RFTN2: variants seen among roughly 807,000 people sequenced by gnomAD.
RFTN2 encodes raftlin-2.
RFTN2 carries 34 observed loss-of-function variants against 52.7 expected under a neutral mutation model. That is an observed-to-expected ratio of 0.64 (90% CI 0.49 to 0.86). The LOEUF (loss-of-function observed/expected upper bound fraction) is 0.86. Ranked by LOEUF, RFTN2 falls within the 40% of genes least tolerant of loss-of-function variation. The pLI, the probability that RFTN2 is intolerant of heterozygous loss-of-function variation, is 0.00. For synonymous variants in RFTN2, 203 were observed against 217.7 expected, an observed-to-expected ratio of 0.93 and a Z score of 0.59; for missense variants, 536 against 600.1, an observed-to-expected ratio of 0.89 and a Z score of 1.12.
chr2:197,639,455 C>A (rs2088623871), intron 3 of RFTN2, among the ~76,000 whole-genome samples: 1 of 149,428 alleles, frequency 6.7e-6, no homozygotes, highest in Non-Finnish European at 1.5e-5. Flanking sequence ...ATTCTTTTTT[C>A]TCTAAACTTC....
At chr2:197,656,782 G>A (rs7572172) in intron 1 of RFTN2, among the ~76,000 whole-genome samples, 213 of 152,252 alleles carry the variant, frequency 1.4e-3, no homozygotes, top group African/African-American at 4.2e-3. Context: ...CTGAGACTTA[G>A]ATCAAGAGTC....
chr2:197,617,967 G>C (rs2088174407), intron 5 of RFTN2, 46 bp from the exon 6 acceptor site: 1 of 1,452,128 alleles, frequency 6.9e-7, no homozygotes, highest in Non-Finnish European at 9.2e-7. Flanking sequence ...AATACTAAGT[G>C]GCTCATAAAA....
chr2:197,612,277 C>T (rs2088073752), intron 7 of RFTN2, among the ~76,000 whole-genome samples: 3 of 152,086 alleles, frequency 2.0e-5, no homozygotes, highest in South Asian at 2.1e-4. Flanking sequence ...CTCTCTCACC[C>T]CCTCCCTTAC....
At chr2:197,647,800 A>G (rs187233232) in intron 1 of RFTN2, among the ~76,000 whole-genome samples, 1 of 152,330 alleles carries the variant, frequency 6.6e-6, no homozygotes, top group Non-Finnish European at 1.5e-5. Context: ...CAATTAAACC[A>G]TTCCTTGAAG....
At position 197,651,199 on chromosome 2, in the gene RFTN2, T is replaced by C. The variant is rs369209096; in HGVS notation, c.140-4533A>G. Reference sequence around the variant, plus strand: ...AGGTATATGATTTGAAATTATTTTCTCCCATTCCACATATTGACTTTTCAC... The same window carrying C: ...AGGTATATGATTTGAAATTATTTTCCCCCATTCCACATATTGACTTTTCAC... On this transcript the variant is annotated intron_variant, in intron 1 of 8. Transcript: ENST00000295049. Among the ~76,000 whole-genome samples, 26 of 152,368 alleles carry C rather than the reference T, an allele frequency of 1.7e-4. No homozygotes were observed. The South Asian group carries it at 5.2e-3, about 30-fold the overall frequency.
Position 197,634,015 on chromosome 2 carries a change from A to G in RFTN2, c.439-18T>C. The G allele has an allele frequency of 6.3e-7, 1 of 1,589,264 alleles. No homozygotes were observed. On this transcript the variant is annotated intron_variant, in intron 3 of 8. Transcript: ENST00000295049. ...ACATTAATCTGATATTTAAAAAGAG[A>G]TGGCAGAACAAAATGTAAACTCTAT...
At chr2:197,577,598 G>T (rs1293587527) in intron 8 of RFTN2, among the ~76,000 whole-genome samples, 1 of 152,194 alleles carries the variant, frequency 6.6e-6, no homozygotes, top group African/African-American at 2.4e-5. Flanking sequence ...CTTCAGATAC[G>T]GCTGATGAAC....
In RFTN2 at chr2:197,667,059, G is replaced by A. The variant is rs554577113; in HGVS notation, c.139+8261C>T. 4.7e-4 allele frequency among the ~76,000 whole-genome samples: 72 copies of A among 152,174 alleles called. 2 individuals carry two copies. In the South Asian group the frequency reaches 0.01, roughly 21 times the overall value. ...AACAGGCTGGAGTGCAGTGGCACTC[G>A]GCTCACTGCTTCCTGGGTTCAAGTG... On this transcript the variant is annotated intron_variant, in intron 1 of 8. Coordinates refer to ENST00000295049, the MANE Select transcript of RFTN2 (RefSeq NM_144629.3).
At chr2:197,589,951 G>T (rs1430646215) in intron 8 of RFTN2, among the ~76,000 whole-genome samples, 1 of 151,896 alleles carries the variant, frequency 6.6e-6, no homozygotes, top group Non-Finnish European at 1.5e-5. Context: ...CTGTTGCTCA[G>T]GCTGGAGTAC....
At chr2:197,594,020 T>C (rs888207866) in intron 8 of RFTN2, among the ~76,000 whole-genome samples, 3 of 145,612 alleles carry the variant, frequency 2.1e-5, no homozygotes, top group South Asian at 2.3e-4. Flanking sequence ...TATTTCTTTT[T>C]TTTTTTTTTT....
chr2:197,582,565 C>A (rs1255686919), intron 8 of RFTN2, among the ~76,000 whole-genome samples: 1 of 152,248 alleles, frequency 6.6e-6, no homozygotes. Context: ...CTCTGCCCCC[C>A]TCCACTACCT....
intron 8 of RFTN2, 105 bp downstream of exon 8, chr2:197,595,886 G>T: frequency 1.3e-6 from 1 of 773,268 alleles, no homozygotes; most frequent in Non-Finnish European, 2.1e-6. Context: ...TCAGAGGACT[G>T]TTTCCATATC....
rs542120693 is a variant in RFTN2, at chr2:197,583,022, C to A, written c.1234-10742G>T. On this transcript the variant is annotated intron_variant, in intron 8 of 8. Coordinates refer to ENST00000295049, the MANE Select transcript of RFTN2 (RefSeq NM_144629.3). ...ATGGTTCTTAGACCAAGGAAAATAT[C>A]TCCTTCCAGCCTCACAGGTCCATTC... Among the ~76,000 whole-genome samples the A allele has an allele frequency of 4.6e-5, 7 of 152,326 alleles. No individual in the cohort carries two copies. The East Asian group carries it at 1.2e-3, about 25-fold the overall frequency.
chr2:197,631,279 T>A, intron 4 of RFTN2, 59 bp from the exon 5 acceptor site: 1 of 1,256,456 alleles, frequency 8.0e-7, no homozygotes, highest in Non-Finnish European at 1.2e-6. Flanking sequence ...CAAAGATTCT[T>A]AATTTTTTCA....
intron 8 of RFTN2, among the ~76,000 whole-genome samples, chr2:197,586,699 T>G (rs556495412): frequency 3.3e-5 from 5 of 152,198 alleles, no homozygotes; most frequent in Non-Finnish European, 4.4e-5. Flanking sequence ...TCAACCTCTG[T>G]CATGACCTTT....
chr2:197,589,441 G>A (rs1192775495), intron 8 of RFTN2, among the ~76,000 whole-genome samples: 5 of 151,982 alleles, frequency 3.3e-5, no homozygotes, highest in Admixed American at 2.0e-4. Context: ...GCGTGAAAAC[G>A]GACTAATACA....
chr2:197,602,143 G>A (rs1460240355), intron 7 of RFTN2, among the ~76,000 whole-genome samples: 12 of 151,972 alleles, frequency 7.9e-5, no homozygotes. Flanking sequence ...TTGGCTCACC[G>A]CAACCCCCAC....
rs774363692 is a variant in RFTN2, at chr2:197,675,350, C to T, written c.109G>A (p.Glu37Lys). 8 of 1,602,938 alleles carry T rather than the reference C, an allele frequency of 5.0e-6. No individual in the cohort carries two copies. The highest frequency in any genetic ancestry group is 2.3e-5 in the East Asian group (1 of 43,990). Reference protein sequence around the residue: ...QVETKTEFAYEYVLLDFTLQA... With the variant: ...QVETKTEFAYKYVLLDFTLQA... ...AGAGTAAAATCCAGCAATACATATT[C>T]GTAAGCAAATTCTGTCTTTGTTTCC... Residue 37 changes from glutamate (E) to lysine (K), a missense_variant, in exon 1 of 9, where the codon GAA (glutamate) becomes AAA (lysine). By Grantham distance (56) the Glu-to-Lys change is moderately conservative (BLOSUM62 1). Coordinates refer to ENST00000295049, the MANE Select transcript of RFTN2 (RefSeq NM_144629.3).
rs1293821150 is a variant in RFTN2, at chr2:197,669,717, C to T, written c.139+5603G>A. Among the ~76,000 whole-genome samples, 7 of 152,218 alleles carry T rather than the reference C, an allele frequency of 4.6e-5. No homozygotes were observed. The East Asian group carries it at 1.3e-3, about 29-fold the overall frequency. The stretch of plus-strand genomic sequence containing the variant: ...TAATTAGGCAGTAATGCTCACTGGC[C>T]TGCTGCTCACCTCTGGCTGTGTGGC... On this transcript the variant is annotated intron_variant, in intron 1 of 8. Coordinates refer to ENST00000295049, the MANE Select transcript of RFTN2 (RefSeq NM_144629.3).
Sources: gnomAD v4.1 joint callset for allele counts (sites outside exome capture counted in the v4.1 genomes callset) on GRCh38, gnomAD v4.1.1 for gene constraint, MANE v1.5 for transcripts, NCBI Gene and HGNC (gene_info 2026-07-23, HGNC 2026-07-21) for gene names.